Variants in INPP4B observed in about 807,000 individuals in gnomAD.
INPP4B encodes the protein inositol polyphosphate-4-phosphatase type II B, also known as inositol polyphosphate 4-phosphatase type II.
In INPP4B, 55 loss-of-function variants were observed where a neutral mutation model predicts 122.5. The ratio of observed to expected loss-of-function variants is 0.45; its 90% CI spans 0.36 to 0.56. The LOEUF (loss-of-function observed/expected upper bound fraction) is 0.56. Among genes scored for constraint, INPP4B ranks in the 20% least tolerant of loss-of-function variants. INPP4B has a pLI of 0.00. For synonymous variants in INPP4B, 403 were observed against 388.7 expected (o/e 1.04, Z -0.43); for missense variants, 1,000 against 1,097.7 (o/e 0.91, Z 1.26).
rs577562780 is a variant in INPP4B, at chr4:142,419,714, T to A, written c.136+9459A>T. Among the ~76,000 whole-genome samples, 8 of 152,196 alleles carry A rather than the reference T, an allele frequency of 5.3e-5. No homozygotes were observed. In the East Asian group the frequency reaches 1.5e-3, roughly 29 times the overall value. ...AATAGAAATGTAAGAGAACTTATCT[T>A]TAATATTTAATTGCACTCCATTAGG... On this transcript the variant is annotated intron_variant, in intron 5 of 25. Coordinates refer to ENST00000262992, the MANE Select transcript of INPP4B (RefSeq NM_001101669.3).
intron 5 of INPP4B, among the ~76,000 whole-genome samples, chr4:142,416,513 T>C (rs1805807656): frequency 1.3e-5 from 2 of 152,168 alleles, no homozygotes; most frequent in South Asian, 2.1e-4. Flanking sequence ...TTAATGGCTA[T>C]GTGCTATTGC....
chr4:142,086,404 T>C (rs1243634013), intron 23 of INPP4B, 148 bp from the exon 24 acceptor site: 1 of 605,818 alleles, frequency 1.7e-6, no homozygotes, highest in East Asian at 2.8e-5. Context: ...GGAGTGCCAA[T>C]GGGGCCCAAT....
intron 7 of INPP4B, among the ~76,000 whole-genome samples, chr4:142,393,164 G>T (rs1798275334): frequency 6.6e-6 from 1 of 151,974 alleles, no homozygotes; most frequent in Admixed American, 6.5e-5. Flanking sequence ...CCCAAATGAT[G>T]GTAACTGAGA....
intron 2 of INPP4B, among the ~76,000 whole-genome samples, chr4:142,588,687 C>T (rs35011079): frequency 0.031 from 4,737 of 150,780 alleles, 96 homozygotes; most frequent in Middle Eastern, 0.052. Context: ...GAAATAAATC[C>T]AAGAAGTTCT....
intron 15 of INPP4B, among the ~76,000 whole-genome samples, chr4:142,184,281 A>G (rs1356206027): frequency 6.6e-6 from 1 of 152,194 alleles, no homozygotes; most frequent in African/African-American, 2.4e-5. Flanking sequence ...TAAGTTAGCC[A>G]TCTTTATATA....
chr4:142,098,512 C>G (rs962191894), intron 23 of INPP4B, among the ~76,000 whole-genome samples: 2 of 152,060 alleles, frequency 1.3e-5, no homozygotes, highest in African/African-American at 4.8e-5. Context: ...TAGGAGGAAG[C>G]TGTTGCCAAA....
intron 8 of INPP4B, among the ~76,000 whole-genome samples, chr4:142,311,516 T>A (rs1275226756): frequency 6.6e-6 from 1 of 152,186 alleles, no homozygotes; most frequent in South Asian, 2.1e-4. Context: ...ATTTATTCAA[T>A]ACATAGTTCA....
In INPP4B at chr4:142,050,781, A is replaced by G. The variant is rs369699034; in HGVS notation, c.2643-21867T>C. 1.6e-4 allele frequency among the ~76,000 whole-genome samples: 24 copies of G among 152,156 alleles called. No homozygotes were observed. In the East Asian group the frequency reaches 3.1e-3, roughly 20 times the overall value. ...TGTCTGGCATATGTTAAATACCATCATCCCTTGGTACCTACAGGTGGATTG... is the reference window on the plus strand; with the variant it reads ...TGTCTGGCATATGTTAAATACCATCGTCCCTTGGTACCTACAGGTGGATTG... On this transcript the variant is annotated intron_variant, in intron 25 of 25. Coordinates refer to ENST00000262992, the MANE Select transcript of INPP4B (RefSeq NM_001101669.3).
chr4:142,227,614 A>C (rs1357978840), intron 12 of INPP4B, among the ~76,000 whole-genome samples: 1 of 151,988 alleles, frequency 6.6e-6, no homozygotes, highest in African/African-American at 2.4e-5. Flanking sequence ...TAATCCCAGC[A>C]CTTTGGGAGG....
chr4:142,061,883 CACATATATATAT>C (rs1411610886), intron 25 of INPP4B, among the ~76,000 whole-genome samples: 45 of 11,598 alleles, frequency 3.9e-3, no homozygotes, highest in South Asian at 6.5e-3. Context: ...CACACACACA[CACATATATATAT>C]ATATATATAT....
At chr4:142,370,148 G>A (rs1242548369) in intron 7 of INPP4B, among the ~76,000 whole-genome samples, 1 of 152,054 alleles carries the variant, frequency 6.6e-6, no homozygotes, top group Non-Finnish European at 1.5e-5. Context: ...GATGCTCAAG[G>A]TCACAGACAG....
At chr4:142,720,127 A>T (rs558097136) in intron 2 of INPP4B, among the ~76,000 whole-genome samples, 1 of 152,350 alleles carries the variant, frequency 6.6e-6, no homozygotes, top group East Asian at 1.9e-4. Flanking sequence ...TACAGAGAAT[A>T]CTGGAAGTAA....
chr4:142,568,750 T>C (rs1732177426), intron 2 of INPP4B, among the ~76,000 whole-genome samples: 1 of 152,172 alleles, frequency 6.6e-6, no homozygotes. Flanking sequence ...ATAGGATATA[T>C]TTCAATATAC....
At chr4:142,104,851 A>C (rs560627143) in intron 23 of INPP4B, among the ~76,000 whole-genome samples, 119 of 152,282 alleles carry the variant, frequency 7.8e-4, no homozygotes, top group Middle Eastern at 3.4e-3. Flanking sequence ...ATTCTATGTA[A>C]ATAGCTGTTA....
At chr4:142,405,808 C>T (rs1298410764) in intron 5 of INPP4B, among the ~76,000 whole-genome samples, 1 of 152,034 alleles carries the variant, frequency 6.6e-6, no homozygotes, top group African/African-American at 2.4e-5. Flanking sequence ...CAGTAATACA[C>T]ACCAACAGAA....
intron 16 of INPP4B, among the ~76,000 whole-genome samples, chr4:142,166,942 G>A (rs944193767): frequency 3.3e-5 from 5 of 151,784 alleles, no homozygotes; most frequent in African/African-American, 9.7e-5. Flanking sequence ...CCGTTGGAGG[G>A]AATGTAAATT....
At chr4:142,268,348 G>GAAAAAAAAAAAAAAAAA (rs1383781390) in intron 10 of INPP4B, among the ~76,000 whole-genome samples, 3 of 26,768 alleles carry the variant, frequency 1.1e-4, no homozygotes, top group Non-Finnish European at 2.3e-4. Context: ...AAAAAAAAAT[G>GAAAAAAAAAAAAAAAAA]AGGGGTAAGT....
At chr4:142,503,103 T>A (rs889472386) in intron 2 of INPP4B, among the ~76,000 whole-genome samples, 3 of 152,200 alleles carry the variant, frequency 2.0e-5, no homozygotes, top group Non-Finnish European at 2.9e-5. Context: ...GAAATAACAA[T>A]ATTTATGTAT....
chr4:142,523,783 A>C (rs980037099), intron 2 of INPP4B, among the ~76,000 whole-genome samples: 5 of 143,752 alleles, frequency 3.5e-5, no homozygotes, highest in African/African-American at 1.0e-4. Flanking sequence ...CATTAGGTAT[A>C]TCTCCCAATG....
Sources: gnomAD v4.1 joint callset for allele counts (sites outside exome capture counted in the v4.1 genomes callset) on GRCh38, gnomAD v4.1.1 for gene constraint, MANE v1.5 for transcripts, NCBI Gene and HGNC (gene_info 2026-07-23, HGNC 2026-07-21) for gene names.